Variants in EMC1 observed in about 807,000 individuals in gnomAD.
EMC1 encodes the protein KIAA0090.
In EMC1, 103 loss-of-function variants were observed where a neutral mutation model predicts 128.8. The ratio of observed to expected loss-of-function variants is 0.80; its 90% CI spans 0.68 to 0.94. The LOEUF (loss-of-function observed/expected upper bound fraction) is 0.94, where lower values mean the gene tolerates loss of function less well. Ranked by LOEUF, EMC1 falls within the 40% of genes least tolerant of loss-of-function variation. The pLI is 0.00. For synonymous variants in EMC1, 442 were observed against 490.4 expected (o/e 0.90, Z 1.30); for missense variants, 1,083 against 1,250.6 (o/e 0.87, Z 2.02).
Position 19,219,028 on chromosome 1 carries a change from G to C in EMC1, c.*275C>G, listed in dbSNP as rs186924669. 1.8e-5 allele frequency: 6 copies of C among 328,290 alleles called. No individual in the cohort carries two copies. The highest frequency in any genetic ancestry group is 1.3e-4 in the African/African-American group (6 of 47,860). The allele number at this position is 328,290 out of a possible 1,614,324, so 20.3% of individuals were successfully genotyped here. A position where few individuals can be genotyped will look rare whatever the true frequency, so the allele number is the denominator to read the frequency against. ...AACATTCATGGATGGGCAAAGAAAG[G>C]AAACAATGCAGACGCCTTTGGACTT... On this transcript the variant is annotated 3_prime_UTR_variant, in exon 23 of 23. Transcript: ENST00000477853.
At chr1:19,240,514 C>A in intron 6 of EMC1, 68 bp from the exon 7 acceptor site, 1 of 1,565,318 alleles carries the variant, frequency 6.4e-7, no homozygotes, top group Admixed American at 1.7e-5. Context: ...AGCCCAACAG[C>A]AATATTGCTG....
At chr1:19,229,811 C>T (rs2093506250) in intron 17 of EMC1, among the ~76,000 whole-genome samples, 1 of 152,184 alleles carries the variant, frequency 6.6e-6, no homozygotes, top group Non-Finnish European at 1.5e-5. Context: ...CTCACAACAA[C>T]CTTATGAGAC....
intron 18 of EMC1, among the ~76,000 whole-genome samples, 154 bp from the exon 19 acceptor site, chr1:19,223,723 A>T (rs12077682): frequency 0.01 from 1,575 of 152,240 alleles, 27 homozygotes; most frequent in African/African-American, 0.036. Context: ...TCATCACTGC[A>T]CTTGTTTTAT....
At chr1:19,244,140 T>G in intron 2 of EMC1, 125 bp from the exon 3 acceptor site, 1 of 883,082 alleles carries the variant, frequency 1.1e-6, no homozygotes, top group Non-Finnish European at 1.8e-6. Context: ...AGTGAAGGAG[T>G]ATAGCTAACT....
chr1:19,220,995 C>A, intron 20 of EMC1, 147 bp from the exon 21 acceptor site: 1 of 547,660 alleles, frequency 1.8e-6, no homozygotes, highest in South Asian at 2.5e-5. Flanking sequence ...AAATAATAAT[C>A]CAATGATACG....
chr1:19,239,006 T>C (rs2093587041), intron 9 of EMC1, 149 bp from the exon 10 acceptor site: 8 of 728,750 alleles, frequency 1.1e-5, no homozygotes, highest in Non-Finnish European at 1.2e-5. Context: ...CAACCCTTAA[T>C]AGCCCCATAT....
chr1:19,238,101 G>A lies in EMC1; in HGVS notation c.1128C>T (p.Asn376=). 6.2e-7 allele frequency: 1 copy of A among 1,614,198 alleles called. No individual in the cohort carries two copies. The highest frequency in any genetic ancestry group is 8.5e-7 in the Non-Finnish European group (1 of 1,180,038). The change falls in exon 11 of 23, where the codon AAC becomes AAT. Residue 376 remains asparagine (N), a synonymous_variant. Transcript: ENST00000477853. Reference sequence around the variant, plus strand: ...GCCGACCTGTCTCCACGAGGTATAGGTTAATGGTGTAGGTCTGATTGAAGC... The same window carrying A: ...GCCGACCTGTCTCCACGAGGTATAGATTAATGGTGTAGGTCTGATTGAAGC... ...LACFNQTYTI[N]LYLVETGRRL... is the part of the protein sequence containing the mutation.
chr1:19,235,310 G>A, intron 12 of EMC1, 58 bp from the exon 13 acceptor site: 7 of 1,563,784 alleles, frequency 4.5e-6, no homozygotes, highest in East Asian at 2.3e-5. Flanking sequence ...GCTCATGCCT[G>A]TAATCCCAGC....
Position 19,241,089 on chromosome 1 carries a change from GC to G in EMC1, c.562del (p.Ala188ProfsTer10), listed in dbSNP as rs1201057767. 6.2e-7 allele frequency: 1 copy of G among 1,614,068 alleles called. No homozygotes were observed. The highest frequency in any genetic ancestry group is 8.5e-7 in the Non-Finnish European group (1 of 1,179,986). On this transcript the variant is annotated frameshift_variant, in exon 6 of 23. Coordinates refer to ENST00000477853, the MANE Select transcript of EMC1 (RefSeq NM_015047.3). LOFTEE classifies it high-confidence loss of function. ...VYSYGSGVVW[A>X]LGVVPFSHVN... is the part of the protein sequence containing the mutation. Reference sequence around the variant, plus strand: ...ATGGCTGAAGGGAACAACTCCGAGGGCCCACACCACCCCAGAGCCGTAAGAA... The same window carrying G: ...ATGGCTGAAGGGAACAACTCCGAGGGCCACACCACCCCAGAGCCGTAAGAA...
chr1:19,223,616 C>T, intron 18 of EMC1, 47 bp from the exon 19 acceptor site: 1 of 1,583,228 alleles, frequency 6.3e-7, no homozygotes, highest in Non-Finnish European at 8.6e-7. Flanking sequence ...CGACTCATCA[C>T]ACACTCCATT....
chr1:19,220,728 G>A, intron 21 of EMC1, 36 bp downstream of exon 21: 1 of 1,520,692 alleles, frequency 6.6e-7, no homozygotes. Flanking sequence ...AGTTATGTAA[G>A]GTCAGAGCCT....
Position 19,238,645 on chromosome 1 carries a change from GA to G in EMC1, c.1089+149del. Reference sequence around the variant, plus strand: ...TAATCTCCCGGTAAAATGAGATTAAGAGAAACATCATTTAATTTACAGTACT... The same window carrying G: ...TAATCTCCCGGTAAAATGAGATTAAGGAAACATCATTTAATTTACAGTACT... On this transcript the variant is annotated intron_variant, in intron 10 of 22. Transcript: ENST00000477853. The G allele has an allele frequency of 4.8e-6, 3 of 627,798 alleles. No individual in the cohort carries two copies. The East Asian group carries it at 8.0e-5, about 17-fold the overall frequency. 38.9% of individuals were successfully genotyped at this position (627,798 alleles called of 1,614,324 possible). A position where few individuals can be genotyped will look rare whatever the true frequency, so the allele number is the denominator to read the frequency against.
At chr1:19,244,173 C>T (rs1028821324) in intron 2 of EMC1, among the ~76,000 whole-genome samples, 158 bp from the exon 3 acceptor site, 2 of 152,106 alleles carry the variant, frequency 1.3e-5, no homozygotes, top group East Asian at 1.9e-4. Context: ...GTCCCATTCA[C>T]GGGGTAATGA....
At chr1:19,247,129 T>C (rs1413048427) in intron 1 of EMC1, among the ~76,000 whole-genome samples, 2 of 152,216 alleles carry the variant, frequency 1.3e-5, no homozygotes, top group Non-Finnish European at 2.9e-5. Flanking sequence ...AGAATATCAA[T>C]TTCTATTGTT....
intron 1 of EMC1, among the ~76,000 whole-genome samples, chr1:19,246,229 A>C (rs2093631580): frequency 6.6e-6 from 1 of 151,880 alleles, no homozygotes; most frequent in Non-Finnish European, 1.5e-5. Flanking sequence ...ATCTCTACTA[A>C]AAATGCAAAA....
At chr1:19,241,330 A>G (rs1451660683) in intron 5 of EMC1, among the ~76,000 whole-genome samples, 188 bp from the exon 6 acceptor site, 3 of 152,170 alleles carry the variant, frequency 2.0e-5, no homozygotes, top group Non-Finnish European at 2.9e-5. Flanking sequence ...CATTTAGAAG[A>G]TATTATACTT....
chr1:19,225,837 T>C (rs1035288353), intron 18 of EMC1, among the ~76,000 whole-genome samples: 8 of 147,012 alleles, frequency 5.4e-5, no homozygotes, highest in Non-Finnish European at 9.0e-5. Context: ...AAAAAAAGAG[T>C]CAATAGCACT....
chr1:19,230,029 T>C lies in EMC1; in HGVS notation c.2064+815A>G, dbSNP rs539243778. 5.9e-5 allele frequency among the ~76,000 whole-genome samples: 9 copies of C among 152,298 alleles called. No homozygotes were observed. In the East Asian group the frequency reaches 1.7e-3, roughly 29 times the overall value. ...CCAAACAGTCCTGCTAACAAGGCCA[T>C]GCCAGCCCCTCGTGAACTTCAGAGC... is the stretch of plus-strand genomic sequence containing the variant. On this transcript the variant is annotated intron_variant, in intron 17 of 22. Coordinates refer to ENST00000477853, the MANE Select transcript of EMC1 (RefSeq NM_015047.3).
chr1:19,230,628 A>G lies in EMC1; in HGVS notation c.2064+216T>C, dbSNP rs373976246. On this transcript the variant is annotated intron_variant, in intron 17 of 22. Transcript: ENST00000477853. ...CTCCACAAGGGCAGAGATTTGTTCT[A>G]CTGTGCACCACTCCATCCACAGCAC... 1.2e-4 allele frequency among the ~76,000 whole-genome samples: 19 copies of G among 152,304 alleles called. No individual in the cohort carries two copies. The East Asian group carries it at 2.1e-3, about 17-fold the overall frequency.
Sources: gnomAD v4.1 joint callset for allele counts (sites outside exome capture counted in the v4.1 genomes callset) on GRCh38, gnomAD v4.1.1 for gene constraint, MANE v1.5 for transcripts, NCBI Gene and HGNC (gene_info 2026-07-23, HGNC 2026-07-21) for gene names.